PLCE1: variants seen among roughly 807,000 people sequenced by gnomAD.
PLCE1 encodes phospholipase C epsilon 1.
In PLCE1, 119 loss-of-function variants were observed where a neutral mutation model predicts 242.8. The observed-to-expected ratio is 0.49, with a 90% CI of 0.42 to 0.57. PLCE1 has a LOEUF of 0.57. Among genes scored for constraint, PLCE1 ranks in the 20% least tolerant of loss-of-function variants. The pLI is 0.00. For missense variants in PLCE1, 2,441 were observed against 2,788.8 expected, an observed-to-expected ratio of 0.88 and a Z score of 2.81; for synonymous variants, 945 against 1,017.4, an observed-to-expected ratio of 0.93 and a Z score of 1.35.
In PLCE1 at chr10:94,301,580, C is replaced by T. The variant is rs146218073; in HGVS notation, c.5459-2902C>T. Among the ~76,000 whole-genome samples the T allele has an allele frequency of 2.3e-4, 35 of 152,222 alleles. No individual in the cohort carries two copies. The East Asian group carries it at 4.5e-3, about 19-fold the overall frequency. Reference sequence around the variant, plus strand: ...CTTCCTGGATTTCAGGGGATTCTAACGCTCCAAGTGGGTGTCCATGGACTT... The same window carrying T: ...CTTCCTGGATTTCAGGGGATTCTAATGCTCCAAGTGGGTGTCCATGGACTT... On this transcript the variant is annotated intron_variant, in intron 24 of 32. Coordinates refer to ENST00000371380, the MANE Select transcript of PLCE1 (RefSeq NM_016341.4).
chr10:94,076,626 A>G (rs1021205965), intron 2 of PLCE1, among the ~76,000 whole-genome samples: 1 of 152,182 alleles, frequency 6.6e-6, no homozygotes. Flanking sequence ...AAGGAAAAAA[A>G]TAAAAAACCT....
rs370245345 is a variant in PLCE1, at chr10:94,256,809, GA to G, written c.3554+1763del. ...GCACCCACTCAAGTGTTTTAAAACAGAAAGAAAACACAAGACAGGAGGAAAA... is the reference window on the plus strand; with the variant it reads ...GCACCCACTCAAGTGTTTTAAAACAGAAGAAAACACAAGACAGGAGGAAAA... On this transcript the variant is annotated intron_variant, in intron 11 of 32. Coordinates refer to ENST00000371380, the MANE Select transcript of PLCE1 (RefSeq NM_016341.4). 2.4e-3 allele frequency among the ~76,000 whole-genome samples: 358 copies of G among 152,316 alleles called. 3 individuals carry two copies. The highest frequency in any genetic ancestry group is 8.3e-3 in the African/African-American group (344 of 41,572).
intron 2 of PLCE1, among the ~76,000 whole-genome samples, chr10:94,115,095 A>G (rs2135698532): frequency 6.6e-6 from 1 of 152,156 alleles, no homozygotes; most frequent in Non-Finnish European, 1.5e-5. Flanking sequence ...AAGGACATGA[A>G]CTCATCATTT....
intron 24 of PLCE1, among the ~76,000 whole-genome samples, chr10:94,299,177 A>G (rs2052948411): frequency 6.6e-6 from 1 of 152,240 alleles, no homozygotes; most frequent in Admixed American, 6.5e-5. Flanking sequence ...TGTGAAGTAC[A>G]TGAACAGAGT....
At chr10:94,145,622 A>G (rs1270069929) in intron 3 of PLCE1, among the ~76,000 whole-genome samples, 1 of 152,122 alleles carries the variant, frequency 6.6e-6, no homozygotes, top group Admixed American at 6.5e-5. Flanking sequence ...ACAGTGATCC[A>G]TACTAACCCC....
intron 7 of PLCE1, among the ~76,000 whole-genome samples, chr10:94,236,554 T>C (rs891530376): frequency 6.6e-6 from 1 of 152,134 alleles, no homozygotes; most frequent in African/African-American, 2.4e-5. Context: ...TAGGTCTGGG[T>C]GATACCTAGA....
intron 1 of PLCE1, among the ~76,000 whole-genome samples, chr10:94,021,964 A>G (rs935327905): frequency 6.6e-6 from 1 of 152,058 alleles, no homozygotes; most frequent in Non-Finnish European, 1.5e-5. Flanking sequence ...ATAGTGATGT[A>G]TTGAATATTT....
chr10:94,043,372 G>T (rs187757584), intron 2 of PLCE1, among the ~76,000 whole-genome samples: 9 of 152,324 alleles, frequency 5.9e-5, no homozygotes, highest in Non-Finnish European at 8.8e-5. Flanking sequence ...CTTGAGATTA[G>T]ATAACTTTTA....
intron 5 of PLCE1, among the ~76,000 whole-genome samples, 171 bp from the exon 6 acceptor site, chr10:94,233,883 G>A (rs1391492420): frequency 6.6e-6 from 1 of 152,014 alleles, no homozygotes; most frequent in African/African-American, 2.4e-5. Flanking sequence ...AGGAGGCAGA[G>A]GTTGCAGTGA....
At chr10:94,190,780 G>A (rs1364837751) in intron 4 of PLCE1, among the ~76,000 whole-genome samples, 2 of 152,362 alleles carry the variant, frequency 1.3e-5, no homozygotes, top group East Asian at 3.9e-4. Flanking sequence ...TAGGATGAGA[G>A]TAAAGTATGA....
intron 4 of PLCE1, among the ~76,000 whole-genome samples, chr10:94,211,065 T>TCC (rs2049316384): frequency 6.6e-6 from 1 of 152,232 alleles, no homozygotes; most frequent in African/African-American, 2.4e-5. Context: ...CCGTTCAGCC[T>TCC]GCTGAGAGCT....
chr10:94,181,660 G>C (rs1346378754), intron 4 of PLCE1, among the ~76,000 whole-genome samples: 2 of 152,150 alleles, frequency 1.3e-5, no homozygotes, highest in Non-Finnish European at 2.9e-5. Context: ...TACAATCCTA[G>C]TAGTTTAGGC....
intron 2 of PLCE1, 46 bp from the exon 3 acceptor site, chr10:94,132,128 C>T: frequency 1.3e-6 from 2 of 1,590,464 alleles, no homozygotes; most frequent in Middle Eastern, 3.4e-4. Flanking sequence ...AATTTGCTTT[C>T]CTAAGAAACT....
At position 94,162,068 on chromosome 10, in the gene PLCE1, T is replaced by C. The variant is rs944375611; in HGVS notation, c.1493-9112T>C. ...CTGGATTCGGTTTGCCAGTATTTTA[T>C]TGAGGATTTTTGCATCAATGTTCAT... On this transcript the variant is annotated intron_variant, in intron 3 of 32. Transcript: ENST00000371380. Among the ~76,000 whole-genome samples the C allele has an allele frequency of 2.6e-5, 4 of 152,238 alleles. No homozygotes were observed. In the East Asian group the frequency reaches 7.7e-4, roughly 29 times the overall value.
At position 94,254,896 on chromosome 10, in the gene PLCE1, T is replaced by C; in HGVS notation, c.3401T>C (p.Val1134Ala). The C allele has an allele frequency of 6.2e-7, 1 of 1,613,988 alleles. No individual in the cohort carries two copies. The highest frequency in any genetic ancestry group is 8.5e-7 in the Non-Finnish European group (1 of 1,179,894). ...TTTCTGTCTTTCATCCTCACAGAGG[T>C]GAATGCCATCGCTAACCCTCCAAAC... ...QDINEQEESE[V>A]NAIANPPNPL... The change falls in exon 11 of 33, where the codon GTG (valine) becomes GCG (alanine). Residue 1134 changes from valine to alanine, a missense_variant. Physicochemically the swap from Val to Ala is moderately conservative, Grantham distance 64 (BLOSUM62 0). Transcript: ENST00000371380.
At chr10:94,084,111 A>G (rs934869081) in intron 2 of PLCE1, among the ~76,000 whole-genome samples, 1 of 152,230 alleles carries the variant, frequency 6.6e-6, no homozygotes. Context: ...TGGAGTAAGG[A>G]GTGCGCTTCG....
intron 5 of PLCE1, among the ~76,000 whole-genome samples, chr10:94,231,339 A>C (rs1169701770): frequency 6.6e-6 from 1 of 152,130 alleles, no homozygotes; most frequent in African/African-American, 2.4e-5. Context: ...TCATTCCCCA[A>C]AAAAGAATTC....
chr10:94,016,048 A>C (rs111481309), intron 1 of PLCE1, among the ~76,000 whole-genome samples: 10 of 152,176 alleles, frequency 6.6e-5, no homozygotes, highest in African/African-American at 2.4e-4. Flanking sequence ...TATATGTCCA[A>C]GGATGTGTTT....
At position 94,325,793 on chromosome 10, in the gene PLCE1, C is replaced by T. The variant is rs559234028; in HGVS notation, c.*24+689C>T. 7 of 152,206 alleles carry T rather than the reference C, an allele frequency of 4.6e-5. 1 individual carries two copies. In the South Asian group the frequency reaches 1.5e-3, roughly 32 times the overall value. 9.4% of individuals were successfully genotyped at this position (152,206 alleles called of 1,614,324 possible). A position where few individuals can be genotyped will look rare whatever the true frequency, so the allele number is the denominator to read the frequency against. On this transcript the variant is annotated intron_variant, in intron 32 of 32. Transcript: ENST00000371380. ...CTGACAGAAACATTCTTCAAGGGCT[C>T]TATGGATCATTCAGCTTTTATTCTT...
Sources: allele counts gnomAD v4.1 joint callset (sites outside exome capture counted in the v4.1 genomes callset), GRCh38; gene constraint gnomAD v4.1.1; transcripts MANE v1.5; gene names NCBI Gene and HGNC (gene_info 2026-07-23, HGNC 2026-07-21).